Variants in CLTC observed in about 807,000 individuals in gnomAD.
The protein encoded by CLTC is clathrin heavy chain 1.
In CLTC, 16 loss-of-function variants were observed where a neutral mutation model predicts 195.8. The ratio of observed to expected loss-of-function variants is 0.08; its 90% CI spans 0.06 to 0.12. The LOEUF is 0.12. CLTC is among the 10% of genes least tolerant of loss of function. CLTC has a pLI of 1.00. For missense variants in CLTC, 796 were observed against 2,027.0 expected (o/e 0.39, Z 11.66); for synonymous variants, 667 against 689.4 (o/e 0.97, Z 0.51).
At chr17:59,676,768 C>T (rs941480803) in intron 16 of CLTC, among the ~76,000 whole-genome samples, 186 bp from the exon 17 acceptor site, 5 of 152,070 alleles carry the variant, frequency 3.3e-5, no homozygotes, top group African/African-American at 1.2e-4. Context: ...GGCTGTAGTG[C>T]ACAATGATTG....
At chr17:59,637,569 AAT>A (rs1491146108) in intron 1 of CLTC, among the ~76,000 whole-genome samples, 1 of 148,622 alleles carries the variant, frequency 6.7e-6, no homozygotes, top group Non-Finnish European at 1.5e-5. Context: ...AAAAAAAAAA[AAT>A]TTTTTTTTTA....
intron 5 of CLTC, among the ~76,000 whole-genome samples, chr17:59,655,232 G>T (rs9903580): frequency 0.056 from 8,463 of 152,188 alleles, 774 homozygotes; most frequent in African/African-American, 0.19. Context: ...GCCTAATATT[G>T]TTGTGTCTCA....
chr17:59,669,913 G>A (rs193002015), intron 14 of CLTC, among the ~76,000 whole-genome samples: 5 of 152,244 alleles, frequency 3.3e-5, no homozygotes. Flanking sequence ...TTCTTTTGAA[G>A]AATTTACTAC....
intron 1 of CLTC, among the ~76,000 whole-genome samples, chr17:59,622,313 A>G (rs1598196029): frequency 6.6e-6 from 1 of 152,360 alleles, no homozygotes; most frequent in East Asian, 1.9e-4. Flanking sequence ...TGTGGAGCCC[A>G]AATAACTACA....
intron 16 of CLTC, 104 bp downstream of exon 16, chr17:59,674,947 A>G: frequency 8.6e-7 from 1 of 1,168,602 alleles, no homozygotes; most frequent in Non-Finnish European, 1.2e-6. Context: ...ACACATGGAG[A>G]ATAATTTCCT....
intron 1 of CLTC, among the ~76,000 whole-genome samples, chr17:59,643,132 G>GGTGTGTGTGTGTGT (rs59380117): frequency 1.1e-3 from 155 of 142,308 alleles, no homozygotes; most frequent in Middle Eastern, 3.6e-3. Context: ...TCTTTTCTGG[G>GGTGTGTGTGTGTGT]GTGTGTGTGT....
chr17:59,661,077 A>G (rs2032596723), intron 7 of CLTC, among the ~76,000 whole-genome samples: 1 of 146,932 alleles, frequency 6.8e-6, no homozygotes, highest in African/African-American at 2.5e-5. Flanking sequence ...TTAATTTAAT[A>G]TGAACTTGGG....
chr17:59,657,900 AT>A (rs1170976955), intron 6 of CLTC, among the ~76,000 whole-genome samples: 2 of 151,716 alleles, frequency 1.3e-5, no homozygotes, highest in Non-Finnish European at 2.9e-5. Flanking sequence ...AATTAAAAAA[AT>A]AAAAAAAAAG....
At chr17:59,641,348 TGACTTGTCTA>T (rs1482367421) in intron 1 of CLTC, among the ~76,000 whole-genome samples, 6 of 151,828 alleles carry the variant, frequency 4.0e-5, no homozygotes, top group Admixed American at 3.9e-4. Flanking sequence ...TGAGGCTGAC[TGACTTGTCTA>T]GACTGAGGCT....
intron 18 of CLTC, among the ~76,000 whole-genome samples, chr17:59,680,334 AGAC>A (rs2033058474): frequency 2.0e-5 from 3 of 152,240 alleles, no homozygotes; most frequent in Admixed American, 2.0e-4. Context: ...TAAATAAAAT[AGAC>A]AACATATTTT....
Position 59,664,916 on chromosome 17 carries a change from T to A in CLTC, c.1644+7T>A. On this transcript the variant is annotated splice_region_variant and intron_variant, in intron 10 of 31. Transcript: ENST00000269122. ...TCTTGCTGACATCACACAGGTAATG[T>A]GATTAAAATATATTTTGTAGAAGCT... 6.2e-7 allele frequency: 1 copy of A among 1,613,522 alleles called. No individual in the cohort carries two copies. Among genetic ancestry groups the A allele is most frequent in the Non-Finnish European group, 8.5e-7 (1 of 1,179,738 alleles).
intron 1 of CLTC, among the ~76,000 whole-genome samples, chr17:59,643,132 GGTGTGTGTGTGTGTGTGT>G (rs59380117): frequency 7.0e-6 from 1 of 142,232 alleles, no homozygotes; most frequent in Admixed American, 7.0e-5. Context: ...TCTTTTCTGG[GGTGTGTGTGTGTGTGTGT>G]GTGTGTGTGT....
At chr17:59,653,294 C>T (rs1372179993) in intron 5 of CLTC, among the ~76,000 whole-genome samples, 22 of 150,850 alleles carry the variant, frequency 1.5e-4, no homozygotes, top group African/African-American at 4.4e-4. Context: ...CCTGGGTTCA[C>T]GCCATTCTCC....
chr17:59,696,597 C>T lies in CLTC; in HGVS notation c.*2745C>T, dbSNP rs1340492216. 3 of 213,268 alleles carry T rather than the reference C, an allele frequency of 1.4e-5. No individual in the cohort carries two copies. Among genetic ancestry groups the T allele is most frequent in the Non-Finnish European group, 2.8e-5 (3 of 105,720 alleles). 13.2% of individuals were successfully genotyped at this position (213,268 alleles called of 1,614,324 possible). A position where few individuals can be genotyped will look rare whatever the true frequency, so the allele number is the denominator to read the frequency against. On this transcript the variant is annotated 3_prime_UTR_variant, in exon 32 of 32. Coordinates refer to ENST00000269122, the MANE Select transcript of CLTC (RefSeq NM_004859.4). ...GAGTTGGGACCCTCTGCCTCATATT[C>T]TGGGTAACTGGTATAACATAGTAAT...
chr17:59,673,883 TA>T, intron 15 of CLTC, 111 bp downstream of exon 15: 1 of 631,330 alleles, frequency 1.6e-6, no homozygotes, highest in South Asian at 2.4e-5. Context: ...CTGCAGCTTT[TA>T]ACGTGGGATT....
intron 1 of CLTC, among the ~76,000 whole-genome samples, chr17:59,629,178 C>T (rs532380319): frequency 1.3e-5 from 2 of 152,210 alleles, no homozygotes; most frequent in Non-Finnish European, 2.9e-5. Flanking sequence ...TCTCCAGTCT[C>T]TGCAATATTC....
intron 1 of CLTC, among the ~76,000 whole-genome samples, chr17:59,627,047 C>A (rs191523743): frequency 1.4e-5 from 2 of 139,458 alleles, no homozygotes; most frequent in African/African-American, 2.6e-5. Flanking sequence ...TACAGGCGTG[C>A]GCCACCAAAC....
chr17:59,644,909 T>A (rs2032150322), intron 2 of CLTC, among the ~76,000 whole-genome samples: 1 of 152,214 alleles, frequency 6.6e-6, no homozygotes, highest in African/African-American at 2.4e-5. Context: ...TTAAGTATAT[T>A]GATTAAGTTT....
chr17:59,628,252 T>A (rs2031608411), intron 1 of CLTC, among the ~76,000 whole-genome samples: 1 of 152,244 alleles, frequency 6.6e-6, no homozygotes, highest in African/African-American at 2.4e-5. Context: ...CTCAGATGTT[T>A]AATCTGGGCT....
Sources: gnomAD v4.1 joint callset for allele counts (sites outside exome capture counted in the v4.1 genomes callset) on GRCh38, gnomAD v4.1.1 for gene constraint, MANE v1.5 for transcripts, NCBI Gene and HGNC (gene_info 2026-07-23, HGNC 2026-07-21) for gene names.